The following TENM1 variants were observed in gnomAD, a reference collection of about 807,000 sequenced individuals.
TENM1 encodes teneurin transmembrane protein 1.
A neutral mutation model predicts 174.8 loss-of-function variants in TENM1; 35 were observed. The observed-to-expected ratio is 0.20, with a 90% CI of 0.15 to 0.27. The LOEUF (loss-of-function observed/expected upper bound fraction) is 0.27. Ranked by LOEUF, TENM1 falls within the 10% of genes least tolerant of loss-of-function variation. The pLI is 1.00. For missense variants in TENM1, 1,633 were observed against 2,130.1 expected, an observed-to-expected ratio of 0.77 and a Z score of 4.59; for synonymous variants, 781 against 798.7, an observed-to-expected ratio of 0.98 and a Z score of 0.37.
At chrX:124,975,298 A>G in the TENM1 span, among the ~76,000 whole-genome samples, 1 of 111,676 alleles carries the variant, frequency 9.0e-6, no homozygotes, top group East Asian at 2.8e-4. Context: ...TTTACTCTTT[A>G]GAGAAGAACA....
At chrX:125,133,916 C>T in the TENM1 span, among the ~76,000 whole-genome samples, 1 of 111,489 alleles carries the variant, frequency 9.0e-6, no homozygotes, top group South Asian at 3.7e-4. Flanking sequence ...AGCCTATTGC[C>T]CTTAGGGATG....
intron 3 of TENM1, among the ~76,000 whole-genome samples, chrX:124,762,108 A>T (rs1260756152): frequency 8.9e-6 from 1 of 112,098 alleles, no homozygotes; most frequent in African/African-American, 3.2e-5. Context: ...ATAAAAAGAT[A>T]GCTGCTTCCT....
chrX:124,872,288 C>T (rs1361173447), intron 3 of TENM1, among the ~76,000 whole-genome samples: 1 of 111,525 alleles, frequency 9.0e-6, no homozygotes, highest in African/African-American at 3.3e-5. Flanking sequence ...GATTATTTCA[C>T]AAGGCTACAA....
At chrX:125,140,630 A>G in the TENM1 span, among the ~76,000 whole-genome samples, 1 of 112,211 alleles carries the variant, frequency 8.9e-6, no homozygotes, top group Non-Finnish European at 1.9e-5. Flanking sequence ...AGAAATGATA[A>G]ATGCTTGAGG....
chrX:124,895,151 T>C (rs1486916961), intron 2 of TENM1, among the ~76,000 whole-genome samples: 1 of 111,215 alleles, frequency 9.0e-6, no homozygotes, highest in Admixed American at 9.7e-5. Flanking sequence ...ACAGGGCAGC[T>C]GGCTATCTCT....
intron 3 of TENM1, among the ~76,000 whole-genome samples, chrX:124,829,339 T>C (rs1437741694): frequency 8.9e-6 from 1 of 112,319 alleles, no homozygotes; most frequent in African/African-American, 3.2e-5. Flanking sequence ...CTAGAGGTGC[T>C]GAGAGATTTC....
chrX:124,744,923 G>A (rs1250248803), intron 3 of TENM1, among the ~76,000 whole-genome samples: 1 of 111,952 alleles, frequency 8.9e-6, no homozygotes, highest in African/African-American at 3.2e-5. Context: ...AGAACGCAAT[G>A]TTTGAAGCAC....
chrX:124,662,834 G>A (rs1309661918), intron 6 of TENM1, among the ~76,000 whole-genome samples: 1 of 111,838 alleles, frequency 8.9e-6, no homozygotes, highest in East Asian at 2.8e-4. Context: ...ACAGTTTGTT[G>A]CATGTTGTTT....
the TENM1 span, among the ~76,000 whole-genome samples, chrX:125,011,061 T>C: frequency 9.0e-6 from 1 of 110,901 alleles, no homozygotes; most frequent in African/African-American, 3.3e-5. Context: ...TCTACAAACC[T>C]GACAAAAACA....
chrX:124,662,501 TA>T (rs755813734), intron 6 of TENM1, among the ~76,000 whole-genome samples: 2 of 107,437 alleles, frequency 1.9e-5, no homozygotes, highest in African/African-American at 6.8e-5. Flanking sequence ...GAAAAATTTG[TA>T]AAAAAACTAA....
At chrX:124,677,372 T>C (rs2052114792) in intron 5 of TENM1, among the ~76,000 whole-genome samples, 1 of 111,460 alleles carries the variant, frequency 9.0e-6, no homozygotes, top group African/African-American at 3.3e-5. Flanking sequence ...CTTCTGCATT[T>C]TTCTGTTTCT....
intron 3 of TENM1, among the ~76,000 whole-genome samples, chrX:124,755,225 C>A (rs2148590004): frequency 9.2e-6 from 1 of 108,620 alleles, no homozygotes; most frequent in South Asian, 4.1e-4. Context: ...TTGAATTGAT[C>A]CCTTTACCAT....
At chrX:124,881,234 A>G (rs914378331) in intron 3 of TENM1, among the ~76,000 whole-genome samples, 27 of 111,362 alleles carry the variant, frequency 2.4e-4, no homozygotes, top group African/African-American at 8.5e-4. Flanking sequence ...CAGGTTTTCT[A>G]TATTTTCCTG....
the TENM1 span, among the ~76,000 whole-genome samples, chrX:125,085,068 C>T: frequency 9.1e-6 from 1 of 110,288 alleles, no homozygotes; most frequent in Admixed American, 9.7e-5. Flanking sequence ...AAAGAGCCAA[C>T]TGTAAACCAA....
chrX:124,834,939 T>C (rs1700235643), intron 3 of TENM1, among the ~76,000 whole-genome samples: 2 of 112,228 alleles, frequency 1.8e-5, no homozygotes, highest in South Asian at 3.7e-4. Context: ...AATGTAATCA[T>C]GTCACTTATA....
chrX:124,414,985 C>G (rs759960178), intron 25 of TENM1, among the ~76,000 whole-genome samples: 2 of 111,602 alleles, frequency 1.8e-5, no homozygotes, highest in East Asian at 5.6e-4. Flanking sequence ...GGGAATTACT[C>G]GAGTTCTTTT....
intron 6 of TENM1, among the ~76,000 whole-genome samples, chrX:124,660,499 T>C (rs145964993): frequency 4.4e-4 from 49 of 111,698 alleles, no homozygotes; most frequent in African/African-American, 1.5e-3. Flanking sequence ...CTTGTATCTA[T>C]GGTATATTAA....
intron 3 of TENM1, among the ~76,000 whole-genome samples, chrX:124,743,127 A>G (rs2053839364): frequency 9.0e-6 from 1 of 111,712 alleles, no homozygotes; most frequent in Admixed American, 9.6e-5. Context: ...CATTAACTTC[A>G]TAGTGCTCAA....
At chrX:124,726,937 T>C (rs1039466486) in intron 4 of TENM1, among the ~76,000 whole-genome samples, 1 of 112,259 alleles carries the variant, frequency 8.9e-6, no homozygotes, top group Non-Finnish European at 1.9e-5. Context: ...TCTGGAAGTA[T>C]AGTAATACAC....
Sources: gnomAD v4.1 joint callset for allele counts (sites outside exome capture counted in the v4.1 genomes callset) on GRCh38, gnomAD v4.1.1 for gene constraint, MANE v1.5 for transcripts, NCBI Gene and HGNC (gene_info 2026-07-23, HGNC 2026-07-21) for gene names.